Variants in ASIC2 observed in about 807,000 individuals in gnomAD.
ASIC2 encodes the protein acid-sensing ion channel 2.
Under a neutral mutation model 57.3 loss-of-function variants are expected in ASIC2, and 25 were observed. The ratio of observed to expected loss-of-function variants is 0.44; its 90% CI spans 0.32 to 0.61. ASIC2 has a LOEUF of 0.61. Ranked by LOEUF, ASIC2 falls within the 20% of genes least tolerant of loss-of-function variation. The pLI, the probability that ASIC2 is intolerant of heterozygous loss-of-function variation, is 0.06. For synonymous variants in ASIC2, 319 were observed against 307.5 expected, an observed-to-expected ratio of 1.04 and a Z score of -0.39; for missense variants, 641 against 738.1, an observed-to-expected ratio of 0.87 and a Z score of 1.52.
At chr17:34,154,224 A>T (rs1314101359) in intron 1 of ASIC2, among the ~76,000 whole-genome samples, 1 of 152,216 alleles carries the variant, frequency 6.6e-6, no homozygotes. Flanking sequence ...GCCAGGCGCT[A>T]GAAAGAACGG....
In ASIC2 at chr17:34,038,405, C is replaced by T. The variant is rs893446767; in HGVS notation, c.555+117573G>A. 29 of 1,612,100 alleles carry T rather than the reference C, an allele frequency of 1.8e-5. No individual in the cohort carries two copies. In the African/African-American group the frequency reaches 3.5e-4, roughly 19 times the overall value. ...CTCTTTATGAATCCGGTATTCCCTA[C>T]ATGCATGCTTGTGGTAATTCTCCTT... On this transcript the variant is annotated intron_variant, in intron 1 of 9. Coordinates refer to the ASIC2 transcript ENST00000359872.
chr17:33,997,742 G>A (rs1222685255), intron 1 of ASIC2, among the ~76,000 whole-genome samples: 1 of 150,536 alleles, frequency 6.6e-6, no homozygotes, highest in Non-Finnish European at 1.5e-5. Flanking sequence ...CACAGTATAT[G>A]ATCCTTCTGA....
chr17:33,105,148 T>C (rs1567746508), intron 2 of ASIC2, among the ~76,000 whole-genome samples: 1 of 152,086 alleles, frequency 6.6e-6, no homozygotes, highest in East Asian at 1.9e-4. Flanking sequence ...AATAAGGAAA[T>C]GAAGGTGATA....
At chr17:34,008,348 C>A (rs1906598580) in intron 1 of ASIC2, among the ~76,000 whole-genome samples, 1 of 152,168 alleles carries the variant, frequency 6.6e-6, no homozygotes, top group Non-Finnish European at 1.5e-5. Flanking sequence ...ATACTCTATG[C>A]TTGGCACTGA....
intron 1 of ASIC2, among the ~76,000 whole-genome samples, chr17:34,042,364 T>G (rs1293161730): frequency 1.3e-5 from 2 of 151,970 alleles, no homozygotes; most frequent in African/African-American, 4.8e-5. Context: ...AGAATACTAC[T>G]CAACAATAAA....
chr17:33,303,405 A>G (rs1181036446), intron 1 of ASIC2, among the ~76,000 whole-genome samples: 1 of 152,208 alleles, frequency 6.6e-6, no homozygotes, highest in Non-Finnish European at 1.5e-5. Flanking sequence ...GCCCACTTGT[A>G]GGGAAGAGGT....
chr17:33,975,424 C>CCACTT (rs1905352283), intron 1 of ASIC2, among the ~76,000 whole-genome samples: 1 of 152,106 alleles, frequency 6.6e-6, no homozygotes, highest in Admixed American at 6.5e-5. Flanking sequence ...GCAATCTGAA[C>CCACTT]CACTTTCATT....
At chr17:33,440,154 A>G (rs931387210) in intron 1 of ASIC2, among the ~76,000 whole-genome samples, 1 of 152,092 alleles carries the variant, frequency 6.6e-6, no homozygotes. Context: ...GTCAATCCAC[A>G]TTTCCACCCC....
intron 3 of ASIC2, among the ~76,000 whole-genome samples, chr17:33,047,880 GATAAAT>G (rs2091961522): frequency 6.6e-6 from 1 of 152,284 alleles, no homozygotes; most frequent in African/African-American, 2.4e-5. Context: ...GCGATGGAAA[GATAAAT>G]ATACCATCTA....
At chr17:33,878,482 C>T (rs574423477) in intron 1 of ASIC2, among the ~76,000 whole-genome samples, 43 of 152,144 alleles carry the variant, frequency 2.8e-4, no homozygotes, top group African/African-American at 9.6e-4. Context: ...ATAGCCGATT[C>T]GATCAACTGG....
intron 1 of ASIC2, among the ~76,000 whole-genome samples, chr17:33,349,106 C>G (rs971376911): frequency 2.0e-5 from 3 of 152,198 alleles, no homozygotes; most frequent in African/African-American, 7.2e-5. Flanking sequence ...ACTGGAGAGT[C>G]TGTGGTCTGC....
intron 1 of ASIC2, among the ~76,000 whole-genome samples, chr17:33,853,366 C>T (rs979004046): frequency 1.3e-5 from 2 of 152,146 alleles, no homozygotes; most frequent in Non-Finnish European, 2.9e-5. Context: ...TTGGAGGGAA[C>T]ATCAACTGTG....
intron 1 of ASIC2, among the ~76,000 whole-genome samples, chr17:33,641,685 C>T (rs115356124): frequency 0.014 from 2,146 of 152,256 alleles, 67 homozygotes; most frequent in African/African-American, 0.049. Context: ...ATAGGAAGAC[C>T]GAGGATACCC....
chr17:33,096,817 T>C (rs533928679), intron 2 of ASIC2, among the ~76,000 whole-genome samples: 3 of 152,148 alleles, frequency 2.0e-5, no homozygotes, highest in Non-Finnish European at 2.9e-5. Context: ...CGGGAGAAAG[T>C]GTTCCAGGTG....
At chr17:33,186,625 G>A (rs770369450) in intron 1 of ASIC2, among the ~76,000 whole-genome samples, 16 of 152,148 alleles carry the variant, frequency 1.1e-4, no homozygotes, top group Admixed American at 6.6e-4. Context: ...GCTAATGAGC[G>A]TACAGTGCAG....
chr17:33,309,521 C>T (rs896028173), intron 1 of ASIC2, among the ~76,000 whole-genome samples: 1 of 152,020 alleles, frequency 6.6e-6, no homozygotes, highest in Non-Finnish European at 1.5e-5. Context: ...TTAGTCTGTC[C>T]CAAACTGAAT....
At chr17:33,510,468 AC>A (rs1914397535) in intron 1 of ASIC2, among the ~76,000 whole-genome samples, 1 of 151,526 alleles carries the variant, frequency 6.6e-6, no homozygotes, top group Non-Finnish European at 1.5e-5. Context: ...GTATAGTGAG[AC>A]CCCATCTCTA....
chr17:33,314,094 G>A (rs1450643848), intron 1 of ASIC2, among the ~76,000 whole-genome samples: 1 of 152,128 alleles, frequency 6.6e-6, no homozygotes, highest in African/African-American at 2.4e-5. Context: ...ATGGGGTCTG[G>A]AGCTAGAGAC....
intron 1 of ASIC2, among the ~76,000 whole-genome samples, chr17:33,449,531 A>G (rs143877006): frequency 1.4e-4 from 22 of 152,288 alleles, no homozygotes; most frequent in Middle Eastern, 3.4e-3. Context: ...AAATACCTGG[A>G]CACAAATGTT....
Sources: allele counts gnomAD v4.1 joint callset (sites outside exome capture counted in the v4.1 genomes callset), GRCh38; gene constraint gnomAD v4.1.1; transcripts MANE v1.5; gene names NCBI Gene and HGNC (gene_info 2026-07-23, HGNC 2026-07-21).